TMEM108: variants seen among roughly 807,000 people sequenced by gnomAD.
TMEM108 encodes the protein transmembrane protein 108.
A neutral mutation model predicts 35.1 loss-of-function variants in TMEM108; 12 were observed. The ratio of observed to expected loss-of-function variants is 0.34; its 90% CI spans 0.22 to 0.55. The LOEUF is 0.55. TMEM108 is among the 20% of genes least tolerant of loss of function. The probability of loss-of-function intolerance (pLI) is 0.89; values close to 1 mark genes in which losing one functional copy is unlikely to be tolerated. For synonymous variants in TMEM108, 287 were observed against 308.6 expected (o/e 0.93, Z 0.73); for missense variants, 680 against 753.3 (o/e 0.90, Z 1.14).
chr3:133,340,883 C>T (rs2071641612), intron 3 of TMEM108, among the ~76,000 whole-genome samples: 1 of 151,656 alleles, frequency 6.6e-6, no homozygotes, highest in Non-Finnish European at 1.5e-5. Context: ...TAAAAACCCT[C>T]AAAAAAGTGG....
intron 3 of TMEM108, among the ~76,000 whole-genome samples, chr3:133,302,926 C>A (rs1269672312): frequency 6.6e-6 from 1 of 152,086 alleles, no homozygotes; most frequent in Non-Finnish European, 1.5e-5. Flanking sequence ...CCTTGGTGAA[C>A]CCTAAGTCTG....
intron 3 of TMEM108, among the ~76,000 whole-genome samples, chr3:133,373,506 G>T (rs1184588871): frequency 6.6e-6 from 1 of 152,090 alleles, no homozygotes; most frequent in Non-Finnish European, 1.5e-5. Flanking sequence ...GTCCCTCCCT[G>T]TCCCTAACCC....
At chr3:133,161,946 C>G (rs1396931347) in intron 2 of TMEM108, among the ~76,000 whole-genome samples, 2 of 152,108 alleles carry the variant, frequency 1.3e-5, no homozygotes, top group Non-Finnish European at 2.9e-5. Flanking sequence ...CAGAAAAGGT[C>G]AGGAGCCACA....
chr3:133,343,795 G>A (rs1380896908), intron 3 of TMEM108, among the ~76,000 whole-genome samples: 2 of 151,732 alleles, frequency 1.3e-5, no homozygotes, highest in South Asian at 2.1e-4. Context: ...CTTATAAGAT[G>A]TTTATCACAA....
intron 3 of TMEM108, among the ~76,000 whole-genome samples, chr3:133,333,049 CT>C (rs1365874959): frequency 6.6e-6 from 1 of 152,140 alleles, no homozygotes; most frequent in Non-Finnish European, 1.5e-5. Context: ...GGTGCAGCAC[CT>C]CTCCTTCCTT....
At chr3:133,119,747 C>A (rs564070622) in intron 2 of TMEM108, among the ~76,000 whole-genome samples, 1 of 152,242 alleles carries the variant, frequency 6.6e-6, no homozygotes, top group African/African-American at 2.4e-5. Context: ...AATTTGAACT[C>A]TAATAAAACT....
chr3:133,322,845 A>T lies in TMEM108; in HGVS notation c.41-56907A>T, dbSNP rs147351709. Among the ~76,000 whole-genome samples the T allele has an allele frequency of 7.2e-5, 11 of 152,346 alleles. No individual in the cohort carries two copies. The East Asian group carries it at 2.1e-3, about 29-fold the overall frequency. ...TGATCAAGTGGGTTTTACACCAAGGATGCAGGGATGGTTTAACATATACAA... is the reference window on the plus strand; with the variant it reads ...TGATCAAGTGGGTTTTACACCAAGGTTGCAGGGATGGTTTAACATATACAA... On this transcript the variant is annotated intron_variant, in intron 3 of 5. Transcript: ENST00000321871.
At chr3:133,323,851 G>C (rs180672228) in intron 3 of TMEM108, among the ~76,000 whole-genome samples, 184 of 152,210 alleles carry the variant, frequency 1.2e-3, no homozygotes, top group African/African-American at 4.3e-3. Context: ...AAACAGAATA[G>C]AGAACCCAGA....
rs376604681 is a variant in TMEM108, at chr3:133,380,459, C to A, written c.748C>A (p.Pro250Thr). 2.1e-4 allele frequency: 331 copies of A among 1,614,064 alleles called. No individual in the cohort carries two copies. Among genetic ancestry groups the A allele is most frequent in the Middle Eastern group, 1.8e-3 (11 of 6,062 alleles). ...CTGGGGCTACTCCTCTTCACCACAG[C>A]CCCAGACAGTGGCTGCGACCACAGT... Reference protein sequence around the residue: ...PLWGYSSSPQPQTVAATTVPS... With the variant: ...PLWGYSSSPQTQTVAATTVPS... The change falls in exon 4 of 6, where the codon CCC (proline) becomes ACC (threonine). Residue 250 changes from proline (P) to threonine (T), a missense_variant. Physicochemically the swap from Pro to Thr is conservative, Grantham distance 38. This residue lies in a region of TMEM108 where 526 missense variants were observed against 532.1 expected (regional missense o/e 0.99). Coordinates refer to ENST00000321871, the MANE Select transcript of TMEM108 (RefSeq NM_023943.4). The surrounding 1 kb of genome is among the most constrained non-coding windows in gnomAD (Gnocchi z 5.3).
chr3:133,149,557 A>G (rs1234694713), intron 2 of TMEM108, among the ~76,000 whole-genome samples: 2 of 152,164 alleles, frequency 1.3e-5, no homozygotes, highest in Admixed American at 6.6e-5. Context: ...TATGAGTTCA[A>G]CTGCTTTAGA....
chr3:133,299,967 T>C (rs1451698203), intron 3 of TMEM108, among the ~76,000 whole-genome samples: 1 of 152,064 alleles, frequency 6.6e-6, no homozygotes, highest in Non-Finnish European at 1.5e-5. Context: ...TAAGAAGAAA[T>C]AGAAACAGCT....
intron 2 of TMEM108, among the ~76,000 whole-genome samples, chr3:133,172,173 T>G (rs564767045): frequency 1.6e-4 from 25 of 152,294 alleles, no homozygotes; most frequent in African/African-American, 5.5e-4. Flanking sequence ...AACTGACTCA[T>G]AGAGAGTTAA....
intron 2 of TMEM108, among the ~76,000 whole-genome samples, chr3:133,055,394 G>A (rs1943454538): frequency 6.6e-6 from 1 of 152,178 alleles, no homozygotes; most frequent in Admixed American, 6.5e-5. Flanking sequence ...AGCCCTTGTT[G>A]AAGATTCTTT....
chr3:133,303,725 T>C (rs1947263454), intron 3 of TMEM108, among the ~76,000 whole-genome samples: 1 of 152,194 alleles, frequency 6.6e-6, no homozygotes, highest in African/African-American at 2.4e-5. Context: ...TGTAATAATA[T>C]GATAATTCAC....
intron 4 of TMEM108, among the ~76,000 whole-genome samples, chr3:133,383,214 G>A (rs1235449507): frequency 2.0e-5 from 3 of 152,142 alleles, no homozygotes; most frequent in East Asian, 1.9e-4. Context: ...AGTGCATTCC[G>A]TTATTTTTTT....
intron 2 of TMEM108, among the ~76,000 whole-genome samples, chr3:133,113,997 C>T (rs1944257030): frequency 6.6e-6 from 1 of 152,096 alleles, no homozygotes; most frequent in South Asian, 2.1e-4. Context: ...ACTACTTTCA[C>T]ATGAAGTGAA....
At chr3:133,073,918 A>AT (rs995924655) in intron 2 of TMEM108, among the ~76,000 whole-genome samples, 52 of 151,982 alleles carry the variant, frequency 3.4e-4, no homozygotes, top group African/African-American at 1.2e-3. Flanking sequence ...AATGTAGAAT[A>AT]TTTTTTCATA....
intron 3 of TMEM108, among the ~76,000 whole-genome samples, chr3:133,375,399 T>C (rs894537690): frequency 5.3e-5 from 8 of 152,242 alleles, no homozygotes; most frequent in African/African-American, 1.9e-4. Context: ...CGGTTCCACA[T>C]TTCAAGCATG....
intron 3 of TMEM108, among the ~76,000 whole-genome samples, chr3:133,317,129 A>G (rs1313766735): frequency 1.3e-5 from 2 of 152,230 alleles, no homozygotes; most frequent in African/African-American, 2.4e-5. Context: ...AAGCATTCCA[A>G]GTTCCTGGAC....
Sources: allele counts gnomAD v4.1 joint callset (sites outside exome capture counted in the v4.1 genomes callset), GRCh38; gene constraint gnomAD v4.1.1; regional missense constraint gnomAD v4.1.1; non-coding constraint Gnocchi (gnomAD v3.1); transcripts MANE v1.5; gene names NCBI Gene and HGNC (gene_info 2026-07-23, HGNC 2026-07-21).